The following GLYATL1 variants were observed in gnomAD, a reference collection of about 807,000 sequenced individuals.
The protein encoded by GLYATL1 is glycine N-acyltransferase-like protein 1.
A neutral mutation model predicts 20.0 loss-of-function variants in GLYATL1; 15 were observed. The observed-to-expected ratio is 0.75, with a 90% CI of 0.50 to 1.15. The LOEUF (loss-of-function observed/expected upper bound fraction) is 1.15. Among genes scored for constraint, GLYATL1 ranks in the 50% most tolerant of loss-of-function variants. The pLI, the probability that GLYATL1 is intolerant of heterozygous loss-of-function variation, is 0.00. For synonymous variants in GLYATL1, 151 were observed against 131.5 expected (o/e 1.15, Z -1.01); for missense variants, 380 against 368.5 (o/e 1.03, Z -0.26).
chr11:58,937,199 T>G (rs966512843), upstream of GLYATL1, among the ~76,000 whole-genome samples: 30 of 152,182 alleles, frequency 2.0e-4, no homozygotes, highest in Non-Finnish European at 7.3e-5. Flanking sequence ...CCACCAGCAG[T>G]GCAAGGTCCT....
At chr11:58,912,554 C>T (rs1257704894), downstream of GLYATL1, among the ~76,000 whole-genome samples, 1 of 152,186 alleles carries the variant, frequency 6.6e-6, no homozygotes, top group Non-Finnish European at 1.5e-5. Context: ...CCATCGGAGA[C>T]CCCCAGACTT....
upstream of GLYATL1, among the ~76,000 whole-genome samples, chr11:58,924,720 A>C (rs1855387370): frequency 6.6e-6 from 1 of 152,232 alleles, no homozygotes; most frequent in African/African-American, 2.4e-5. Flanking sequence ...TACAATTAGC[A>C]ACATTTGTTT....
At chr11:58,938,399 G>A (rs1855931864), upstream of GLYATL1, among the ~76,000 whole-genome samples, 1 of 152,176 alleles carries the variant, frequency 6.6e-6, no homozygotes, top group Admixed American at 6.5e-5. Context: ...CCTAGAATCA[G>A]AGATCTCTCA....
At chr11:58,938,568 G>T (rs1350481807), upstream of GLYATL1, among the ~76,000 whole-genome samples, 3 of 152,210 alleles carry the variant, frequency 2.0e-5, no homozygotes. Flanking sequence ...CAATGGGACT[G>T]ATATCAGAAC....
chr11:58,933,105 G>A (rs1855674088), intron 1 of GLYATL1, among the ~76,000 whole-genome samples: 2 of 152,174 alleles, frequency 1.3e-5, no homozygotes, highest in South Asian at 4.1e-4. Context: ...ACCATTGTCA[G>A]ATTCAGAAAC....
intron 4 of GLYATL1, among the ~76,000 whole-genome samples, chr11:58,951,475 T>A (rs1856989862): frequency 6.8e-6 from 1 of 147,332 alleles, no homozygotes; most frequent in South Asian, 2.2e-4. Flanking sequence ...TTTACTTTCC[T>A]ATTTCTTATA....
chr11:58,952,311 C>T (rs1005060434), intron 4 of GLYATL1, among the ~76,000 whole-genome samples: 1 of 152,084 alleles, frequency 6.6e-6, no homozygotes, highest in Non-Finnish European at 1.5e-5. Context: ...GCCATCCTGG[C>T]CTTTCTAAAA....
chr11:58,937,665 TC>T (rs1277365525), upstream of GLYATL1, among the ~76,000 whole-genome samples: 5 of 152,292 alleles, frequency 3.3e-5, no homozygotes, highest in East Asian at 9.6e-4. Flanking sequence ...AATTTTATTA[TC>T]CCTAGGAGGC....
In GLYATL1 at chr11:58,955,970, G is replaced by A. The variant is rs1055483042; in HGVS notation, c.852G>A (p.Glu284=). ...TTGTGGGGCAGTTTGGTTTCTTTGA[G>A]GCCTCCTGTGAGTGGCACCAATGGA... ...RRFVGQFGFF[E]ASCEWHQWTC... is the part of the protein sequence containing the mutation. Residue 284 remains glutamate, a synonymous_variant, in exon 7 of 7, where the codon GAG becomes GAA. Transcript: ENST00000532726. The A allele has an allele frequency of 4.3e-6, 7 of 1,614,060 alleles. No homozygotes were observed. Among genetic ancestry groups the A allele is most frequent in the Non-Finnish European group, 5.9e-6 (7 of 1,179,930 alleles).
At chr11:58,911,114 A>G, downstream of GLYATL1, among the ~76,000 whole-genome samples, 1 of 152,186 alleles carries the variant, frequency 6.6e-6, no homozygotes, top group East Asian at 1.9e-4. Flanking sequence ...CACTCAGAAC[A>G]TTCCATTTAA....
intron 1 of GLYATL1, among the ~76,000 whole-genome samples, chr11:58,941,268 T>C (rs1305014546): frequency 1.4e-5 from 2 of 141,192 alleles, no homozygotes; most frequent in Non-Finnish European, 3.0e-5. Context: ...TCAATTCCCA[T>C]CTATGAGTGA....
intron 1 of GLYATL1, among the ~76,000 whole-genome samples, chr11:58,919,246 A>G (rs1169773568): frequency 6.6e-6 from 1 of 152,172 alleles, no homozygotes; most frequent in Admixed American, 6.5e-5. Flanking sequence ...TCTGACATAT[A>G]ATTCAGGTGG....
rs551946455 is a variant in GLYATL1, at chr11:58,954,848, T to C, written c.265T>C (p.Leu89=). The C allele has an allele frequency of 8.9e-5, 143 of 1,612,934 alleles. No homozygotes were observed. In the South Asian group the frequency reaches 1.4e-3, roughly 16 times the overall value. Residue 89 remains leucine (L), a synonymous_variant, in exon 5 of 7, where the codon TTG becomes CTG. Transcript: ENST00000532726. The part of the protein sequence containing the change: ...SKEPQKSEEV[L]KNCEIVNWKQ... ...AGAGCCTCAAAAATCAGAAGAAGTT[T>C]TGAAAAATTGTGAGATCGTAAACTG... is the stretch of plus-strand genomic sequence containing the variant.
chr11:58,943,392 C>T (rs1856315973), intron 1 of GLYATL1, 151 bp from the exon 2 acceptor site: 1 of 1,534,922 alleles, frequency 6.5e-7, no homozygotes, highest in South Asian at 1.2e-5. Flanking sequence ...ATCACTTTAC[C>T]TTTTTTGTCT....
intron 1 of GLYATL1, chr11:58,943,231 C>G (rs1856297989): frequency 6.8e-7 from 1 of 1,477,718 alleles, no homozygotes; most frequent in East Asian, 2.5e-5. Flanking sequence ...TAGTAGTGTG[C>G]ACCTGTAACA....
At chr11:58,915,825 C>G (rs1308181336) in intron 1 of GLYATL1, among the ~76,000 whole-genome samples, 1 of 152,184 alleles carries the variant, frequency 6.6e-6, no homozygotes, top group African/African-American at 2.4e-5. Flanking sequence ...GGATTTTTAC[C>G]AGGTCTCTGA....
At chr11:58,940,736 A>G (rs1388229361) in intron 1 of GLYATL1, among the ~76,000 whole-genome samples, 1 of 152,242 alleles carries the variant, frequency 6.6e-6, no homozygotes, top group African/African-American at 2.4e-5. Context: ...ACAGAAGTTT[A>G]TAAAGTTGTC....
At chr11:58,925,012 C>T (rs991945916), upstream of GLYATL1, among the ~76,000 whole-genome samples, 25 of 152,176 alleles carry the variant, frequency 1.6e-4, no homozygotes, top group African/African-American at 5.3e-4. Context: ...ATGTGTGAGG[C>T]CTGTGCTGTT....
intron 4 of GLYATL1, among the ~76,000 whole-genome samples, chr11:58,951,155 C>G (rs1035982495): frequency 6.6e-6 from 1 of 151,958 alleles, no homozygotes; most frequent in Non-Finnish European, 1.5e-5. Flanking sequence ...ACTGTTTTCT[C>G]ATTTTGTCTT....
Sources: allele counts gnomAD v4.1 joint callset (sites outside exome capture counted in the v4.1 genomes callset), GRCh38; gene constraint gnomAD v4.1.1; transcripts MANE v1.5; gene names NCBI Gene and HGNC (gene_info 2026-07-23, HGNC 2026-07-21).